Variants in SCHIP1 observed in about 807,000 individuals in gnomAD.
The protein encoded by SCHIP1 is schwannomin-interacting protein 1.
Under a neutral mutation model 29.7 loss-of-function variants are expected in SCHIP1, and 8 were observed. The observed-to-expected ratio is 0.27, with a 90% CI of 0.16 to 0.49. SCHIP1 has a LOEUF of 0.49. Among genes scored for constraint, SCHIP1 ranks in the 20% least tolerant of loss-of-function variants. The pLI, the probability that SCHIP1 is intolerant of heterozygous loss-of-function variation, is 0.99. For missense variants in SCHIP1, 193 were observed against 294.6 expected, an observed-to-expected ratio of 0.66 and a Z score of 2.52; for synonymous variants, 76 against 94.9, an observed-to-expected ratio of 0.80 and a Z score of 1.16.
chr3:159,624,037 GAAC>G, the SCHIP1 span, among the ~76,000 whole-genome samples: 1 of 152,070 alleles, frequency 6.6e-6, no homozygotes. Context: ...GTCAATCAAA[GAAC>G]AAATTGTTAC....
the SCHIP1 span, among the ~76,000 whole-genome samples, chr3:159,528,164 A>G: frequency 6.6e-6 from 1 of 152,230 alleles, no homozygotes; most frequent in Non-Finnish European, 1.5e-5. Flanking sequence ...GTTTGTTTAA[A>G]TTCATGCAGT....
the SCHIP1 span, among the ~76,000 whole-genome samples, chr3:159,403,125 C>T: frequency 6.6e-6 from 1 of 152,070 alleles, no homozygotes; most frequent in Non-Finnish European, 1.5e-5. Flanking sequence ...ATACTTTATC[C>T]ATTCCTTTAA....
At chr3:159,888,572 A>T (rs112350046) in intron 4 of SCHIP1, 16 of 388,840 alleles carry the variant, frequency 4.1e-5, no homozygotes, top group African/African-American at 3.3e-4. Flanking sequence ...ATTGACTCAC[A>T]ACCCATATTA....
the SCHIP1 span, among the ~76,000 whole-genome samples, chr3:159,664,364 A>G: frequency 1.5e-3 from 229 of 152,264 alleles, 1 homozygote; most frequent in African/African-American, 5.2e-3. Flanking sequence ...TCCCTTATTC[A>G]TTGCTTTAAG....
At chr3:159,628,976 A>G in the SCHIP1 span, among the ~76,000 whole-genome samples, 2 of 152,178 alleles carry the variant, frequency 1.3e-5, no homozygotes, top group Non-Finnish European at 2.9e-5. Context: ...ACAAAAGATG[A>G]GGTAAAAAAA....
the SCHIP1 span, among the ~76,000 whole-genome samples, chr3:159,487,854 C>A: frequency 6.6e-6 from 1 of 152,114 alleles, no homozygotes; most frequent in Non-Finnish European, 1.5e-5. Flanking sequence ...AAAGTTTTTA[C>A]GTTAGTCTTT....
the SCHIP1 span, among the ~76,000 whole-genome samples, chr3:159,301,987 A>G: frequency 2.6e-5 from 4 of 152,192 alleles, no homozygotes; most frequent in South Asian, 6.2e-4. Flanking sequence ...CTTCTCTTGC[A>G]TACCTTTCCA....
the SCHIP1 span, among the ~76,000 whole-genome samples, chr3:159,658,403 A>G: frequency 6.6e-6 from 1 of 152,192 alleles, no homozygotes; most frequent in Non-Finnish European, 1.5e-5. Flanking sequence ...GTCAGATACA[A>G]TACACCCAGT....
the SCHIP1 span, among the ~76,000 whole-genome samples, chr3:159,470,988 G>C: frequency 6.6e-6 from 1 of 152,094 alleles, no homozygotes; most frequent in African/African-American, 2.4e-5. Context: ...AGTTGGAGGA[G>C]AGGGGAAAAA....
At chr3:159,445,115 G>A in the SCHIP1 span, among the ~76,000 whole-genome samples, 29 of 152,104 alleles carry the variant, frequency 1.9e-4, no homozygotes, top group East Asian at 5.8e-4. Flanking sequence ...GAAAGTTTTC[G>A]CAACCTACTC....
the SCHIP1 span, among the ~76,000 whole-genome samples, chr3:159,397,887 A>G: frequency 3.3e-5 from 5 of 152,172 alleles, no homozygotes; most frequent in Non-Finnish European, 7.4e-5. Flanking sequence ...TGTTTACCTA[A>G]GCAAGCCTGG....
chr3:159,306,577 C>T, the SCHIP1 span: 5 of 919,524 alleles, frequency 5.4e-6, no homozygotes, highest in Non-Finnish European at 6.5e-6. Flanking sequence ...CCTAAAAATG[C>T]TATTTTCCTT....
the SCHIP1 span, among the ~76,000 whole-genome samples, chr3:159,755,299 G>A: frequency 5.3e-5 from 8 of 152,270 alleles, no homozygotes; most frequent in Middle Eastern, 3.4e-3. Flanking sequence ...GGGATACCTC[G>A]CAATCATGGC....
the SCHIP1 span, among the ~76,000 whole-genome samples, chr3:159,723,546 T>C: frequency 6.6e-6 from 1 of 152,232 alleles, no homozygotes; most frequent in Non-Finnish European, 1.5e-5. Flanking sequence ...ATGTCAGAGT[T>C]TGCTTCACAT....
chr3:159,437,319 A>G, the SCHIP1 span, among the ~76,000 whole-genome samples: 1 of 152,106 alleles, frequency 6.6e-6, no homozygotes, highest in African/African-American at 2.4e-5. Flanking sequence ...CATTTTGTCT[A>G]TCTGGGTAAA....
At chr3:159,588,386 T>C in the SCHIP1 span, among the ~76,000 whole-genome samples, 31,120 of 152,212 alleles carry the variant, frequency 0.2, 8,660 homozygotes, top group African/African-American at 0.63. Flanking sequence ...AATGAGTAGA[T>C]TGCAAAAATT....
chr3:159,353,624 T>C, the SCHIP1 span, among the ~76,000 whole-genome samples: 1 of 152,154 alleles, frequency 6.6e-6, no homozygotes, highest in African/African-American at 2.4e-5. Context: ...AAATCGGGGC[T>C]AAAAATACAT....
At chr3:159,655,357 C>T in the SCHIP1 span, among the ~76,000 whole-genome samples, 41 of 152,046 alleles carry the variant, frequency 2.7e-4, no homozygotes, top group Non-Finnish European at 4.7e-4. Flanking sequence ...CTGAAGCATG[C>T]GACAATGGTA....
the SCHIP1 span, among the ~76,000 whole-genome samples, chr3:159,736,227 C>T: frequency 6.6e-6 from 1 of 152,196 alleles, no homozygotes; most frequent in Non-Finnish European, 1.5e-5. Context: ...GATGCTGAGG[C>T]AACCATAGAC....
Sources: gnomAD v4.1 joint callset for allele counts (sites outside exome capture counted in the v4.1 genomes callset) on GRCh38, gnomAD v4.1.1 for gene constraint, MANE v1.5 for transcripts, NCBI Gene and HGNC (gene_info 2026-07-23, HGNC 2026-07-21) for gene names.